Variants in PARD3B observed in about 807,000 individuals in gnomAD.
PARD3B encodes the protein par-3 family cell polarity regulator beta.
Under a neutral mutation model 130.2 loss-of-function variants are expected in PARD3B, and 103 were observed. The ratio of observed to expected loss-of-function variants is 0.79; its 90% CI spans 0.67 to 0.93. The LOEUF (loss-of-function observed/expected upper bound fraction) is 0.93, where lower values mean the gene tolerates loss of function less well. PARD3B is among the 40% of genes least tolerant of loss of function. PARD3B has a pLI of 0.00. For missense variants in PARD3B, 1,609 were observed against 1,499.2 expected, an observed-to-expected ratio of 1.07 and a Z score of -1.21; for synonymous variants, 583 against 553.2, an observed-to-expected ratio of 1.05 and a Z score of -0.76.
chr2:205,539,474 C>A (rs1220175042), intron 21 of PARD3B, among the ~76,000 whole-genome samples: 1 of 152,142 alleles, frequency 6.6e-6, no homozygotes, highest in Admixed American at 6.5e-5. Context: ...CAGGTATGTG[C>A]ACAGCCCCTC....
intron 2 of PARD3B, among the ~76,000 whole-genome samples, chr2:204,764,097 G>A (rs1362422636): frequency 6.6e-6 from 1 of 152,156 alleles, no homozygotes; most frequent in African/African-American, 2.4e-5. Flanking sequence ...AGAGTTTAAT[G>A]AGTGAAAGGA....
chr2:204,747,755 G>A (rs1217007163), intron 2 of PARD3B, among the ~76,000 whole-genome samples: 2 of 151,974 alleles, frequency 1.3e-5, no homozygotes, highest in African/African-American at 4.8e-5. Flanking sequence ...ACAGAACAGA[G>A]CCCTCCAAAA....
intron 3 of PARD3B, among the ~76,000 whole-genome samples, chr2:204,996,261 T>A (rs1375348193): frequency 2.0e-5 from 3 of 149,162 alleles, no homozygotes; most frequent in African/African-American, 7.4e-5. Context: ...GGGTTTTCGG[T>A]GTGGATGTCC....
rs1353107028 is a variant in PARD3B at position 205,142,259 on chromosome 2, C to T, written c.1435-16463C>T. On this transcript the variant is annotated intron_variant, in intron 10 of 22. Transcript: ENST00000406610. The surrounding 1 kb of genome is among the most constrained non-coding windows in gnomAD (Gnocchi z 4.3). ...GCATAAGTTTTAGGTGGAGAGAATCCCATTTAAATAGTTAAAGAAGGTATA... is the reference window on the plus strand; with the variant it reads ...GCATAAGTTTTAGGTGGAGAGAATCTCATTTAAATAGTTAAAGAAGGTATA... 2.0e-5 allele frequency among the ~76,000 whole-genome samples: 3 copies of T among 151,880 alleles called. No individual in the cohort carries two copies. In the East Asian group the frequency reaches 5.8e-4, roughly 29 times the overall value.
At chr2:205,319,385 T>C (rs1420219601) in intron 18 of PARD3B, among the ~76,000 whole-genome samples, 1 of 152,246 alleles carries the variant, frequency 6.6e-6, no homozygotes, top group African/African-American at 2.4e-5. Flanking sequence ...GGGCCATCTC[T>C]AGAACACTTG....
At chr2:204,796,242 A>T (rs1213502848) in intron 2 of PARD3B, among the ~76,000 whole-genome samples, 3 of 152,200 alleles carry the variant, frequency 2.0e-5, no homozygotes, top group African/African-American at 7.2e-5. Flanking sequence ...TCAAATGGTT[A>T]TGTTCAGAAG....
At chr2:204,632,376 C>A (rs1170236041) in intron 1 of PARD3B, among the ~76,000 whole-genome samples, 1 of 152,200 alleles carries the variant, frequency 6.6e-6, no homozygotes, top group Admixed American at 6.5e-5. Context: ...CAGGGGCACT[C>A]TGGCTTTTTG....
chr2:205,244,115 A>T lies in PARD3B; in HGVS notation c.2141-1663A>T, dbSNP rs2039468066. Among the ~76,000 whole-genome samples the T allele has an allele frequency of 6.6e-6, 1 of 152,206 alleles. No homozygotes were observed. Among genetic ancestry groups the T allele is most frequent in the Non-Finnish European group, 1.5e-5 (1 of 68,034 alleles). On this transcript the variant is annotated intron_variant, in intron 15 of 22. Coordinates refer to ENST00000406610, the MANE Select transcript of PARD3B (RefSeq NM_001302769.2). This position sits in a 1 kb window ranked among gnomAD's most constrained non-coding sequence, Gnocchi z 4.7. Reference sequence around the variant, plus strand: ...GCAGTTGGGAACAGAATAATCACAGATATGTAGTGCTTTTATCTAGAAAAT... The same window carrying T: ...GCAGTTGGGAACAGAATAATCACAGTTATGTAGTGCTTTTATCTAGAAAAT...
rs773371413 is a variant in PARD3B at position 205,187,491 on chromosome 2, C to T, written c.2024+1628C>T. ...GTTTGATATCCCCTGGAAGCCAGGA[C>T]TCTTTGGATACCTTTTAGGGCAACT... On this transcript the variant is annotated intron_variant, in intron 14 of 22. Transcript: ENST00000406610. This position sits in a 1 kb window ranked among gnomAD's most constrained non-coding sequence, Gnocchi z 4.9. Among the ~76,000 whole-genome samples the T allele has an allele frequency of 5.9e-5, 9 of 152,150 alleles. No homozygotes were observed. The highest frequency in any genetic ancestry group is 1.2e-4 in the Non-Finnish European group (8 of 68,028).
chr2:204,794,733 A>G (rs1458811076), intron 2 of PARD3B, among the ~76,000 whole-genome samples: 2 of 152,216 alleles, frequency 1.3e-5, no homozygotes, highest in Non-Finnish European at 2.9e-5. Flanking sequence ...TGGTTTAATG[A>G]CTGGCTCACA....
At chr2:204,583,446 A>C (rs2032667952) in intron 1 of PARD3B, among the ~76,000 whole-genome samples, 1 of 105,412 alleles carries the variant, frequency 9.5e-6, no homozygotes, top group Non-Finnish European at 1.9e-5. Context: ...GGTCACAGGA[A>C]GGGGAATATC....
At chr2:205,383,121 T>TAGATAGATAGATAGAGAGAG (rs1363858515) in intron 18 of PARD3B, among the ~76,000 whole-genome samples, 1 of 150,744 alleles carries the variant, frequency 6.6e-6, no homozygotes, top group Non-Finnish European at 1.5e-5. Flanking sequence ...GATAGATAGA[T>TAGATAGATAGATAGAGAGAG]AGATAGATAG....
chr2:205,315,352 G>A (rs1466857541), intron 18 of PARD3B, among the ~76,000 whole-genome samples: 1 of 152,108 alleles, frequency 6.6e-6, no homozygotes, highest in African/African-American at 2.4e-5. Context: ...GATAATAGAT[G>A]ATAAATGTCT....
At chr2:204,667,279 A>G (rs1040705924) in intron 1 of PARD3B, among the ~76,000 whole-genome samples, 4 of 152,340 alleles carry the variant, frequency 2.6e-5, no homozygotes, top group Admixed American at 2.6e-4. Context: ...GCCTCTGCAT[A>G]GAAATCACCC....
rs374971351 is a variant in PARD3B, at chr2:205,470,308, C to T, written c.3045-29588C>T. On this transcript the variant is annotated intron_variant, in intron 20 of 22. Coordinates refer to ENST00000406610, the MANE Select transcript of PARD3B (RefSeq NM_001302769.2). The surrounding 1 kb of genome is among the most constrained non-coding windows in gnomAD (Gnocchi z 4.8). The stretch of plus-strand genomic sequence containing the variant: ...TTCAAAGTAGCTTTCACAATTAAAT[C>T]TTTAATGTCATTATCATTTGTTTCA... Among the ~76,000 whole-genome samples the T allele has an allele frequency of 6.6e-6, 1 of 152,192 alleles. No individual in the cohort carries two copies. Among genetic ancestry groups the T allele is most frequent in the African/African-American group, 2.4e-5 (1 of 41,452 alleles).
Position 205,446,398 on chromosome 2 carries a change from T to A in PARD3B, c.3044+5726T>A, listed in dbSNP as rs1322807506. 6.6e-6 allele frequency among the ~76,000 whole-genome samples: 1 copy of A among 152,218 alleles called. No individual in the cohort carries two copies. The highest frequency in any genetic ancestry group is 2.4e-5 in the African/African-American group (1 of 41,444). ...GCATAGGCGGTTTATCCTCATCTAC[T>A]TATTTGTAAAAGGGAAGATTATAAT... On this transcript the variant is annotated intron_variant, in intron 20 of 22. Coordinates refer to ENST00000406610, the MANE Select transcript of PARD3B (RefSeq NM_001302769.2). This position sits in a 1 kb window ranked among gnomAD's most constrained non-coding sequence, Gnocchi z 4.4.
chr2:204,795,446 T>G (rs900537658), intron 2 of PARD3B, among the ~76,000 whole-genome samples: 1 of 152,188 alleles, frequency 6.6e-6, no homozygotes, highest in African/African-American at 2.4e-5. Flanking sequence ...TTGGGGCTTA[T>G]TTGGAACAAT....
chr2:205,103,688 C>T, intron 4 of PARD3B: 3 of 984,868 alleles, frequency 3.0e-6, no homozygotes, highest in South Asian at 4.7e-5. Flanking sequence ...TAGGGAACAG[C>T]TCTGAGCCCT....
intron 2 of PARD3B, among the ~76,000 whole-genome samples, chr2:204,731,098 T>C (rs2039490053): frequency 6.6e-6 from 1 of 152,202 alleles, no homozygotes; most frequent in Non-Finnish European, 1.5e-5. Flanking sequence ...TCCCTGACCA[T>C]ATCTCACTCC....
Sources: allele counts gnomAD v4.1 joint callset (sites outside exome capture counted in the v4.1 genomes callset), GRCh38; gene constraint gnomAD v4.1.1; non-coding constraint Gnocchi (gnomAD v3.1); transcripts MANE v1.5; gene names NCBI Gene and HGNC (gene_info 2026-07-23, HGNC 2026-07-21).